IFT140: variants seen among roughly 807,000 people sequenced by gnomAD.
IFT140 encodes the protein intraflagellar transport 140.
In IFT140, 133 loss-of-function variants were observed where a neutral mutation model predicts 164.6. The observed-to-expected ratio is 0.81, with a 90% CI of 0.70 to 0.93. IFT140 has a LOEUF of 0.93. Among genes scored for constraint, IFT140 ranks in the 40% least tolerant of loss-of-function variants. The probability of loss-of-function intolerance (pLI) is 0.00; values close to 1 mark genes in which losing one functional copy is unlikely to be tolerated. For synonymous variants in IFT140, 860 were observed against 817.3 expected, an observed-to-expected ratio of 1.05 and a Z score of -0.89; for missense variants, 2,045 against 1,972.3, an observed-to-expected ratio of 1.04 and a Z score of -0.70.
At chr16:1,575,207 A>T (rs906874785) in intron 13 of IFT140, among the ~76,000 whole-genome samples, 1 of 149,382 alleles carries the variant, frequency 6.7e-6, no homozygotes, top group Non-Finnish European at 1.5e-5. Flanking sequence ...ACAAAAATAT[A>T]ATAATAATAA....
chr16:1,520,959 C>T lies in IFT140; in HGVS notation c.3454-151G>A, dbSNP rs936968304. On this transcript the variant is annotated intron_variant, in intron 26 of 30. Coordinates refer to ENST00000426508, the MANE Select transcript of IFT140 (RefSeq NM_014714.4). ...GTGGGTATGGAGGGGACAAGGATGT[C>T]TCCCCTGCCTCACCAACCTACAATC... 3 of 625,594 alleles carry T rather than the reference C, an allele frequency of 4.8e-6. No homozygotes were observed. In the African/African-American group the frequency reaches 5.5e-5, roughly 12 times the overall value. The allele number at this position is 625,594 out of a possible 1,614,324, so 38.8% of individuals were successfully genotyped here. A position where few individuals can be genotyped will look rare whatever the true frequency, so the allele number is the denominator to read the frequency against.
At chr16:1,588,263 T>G (rs1254459864) in intron 7 of IFT140, among the ~76,000 whole-genome samples, 1 of 152,176 alleles carries the variant, frequency 6.6e-6, no homozygotes, top group Non-Finnish European at 1.5e-5. Context: ...CAGTGGCTCA[T>G]GCCTGTAATC....
In IFT140 at chr16:1,520,252, G is replaced by A. The variant is rs1312542853; in HGVS notation, c.3752C>T (p.Ala1251Val). ...CCAGTCCAGGGACTGCAGGTAGTTA[G>A]CAGCCATGATGTAGATTTCCTTCTG... The part of the protein sequence containing the change: ...SRQKEIYIMA[A>V]NYLQSLDWRK... The change falls in exon 28 of 31, where the codon GCT becomes GTT. Residue 1251 changes from alanine to valine, a missense_variant. Transcript: ENST00000426508. 2.5e-6 allele frequency: 4 copies of A among 1,614,120 alleles called. No homozygotes were observed. In the African/African-American group the frequency reaches 4.0e-5, roughly 16 times the overall value.
chr16:1,540,071 G>A (rs1273206531), intron 19 of IFT140, among the ~76,000 whole-genome samples: 1 of 152,182 alleles, frequency 6.6e-6, no homozygotes, highest in Non-Finnish European at 1.5e-5. Context: ...GACGGCGGGG[G>A]GACCCTCAGT....
At chr16:1,563,673 G>C (rs185009285) in intron 17 of IFT140, among the ~76,000 whole-genome samples, 6 of 152,110 alleles carry the variant, frequency 3.9e-5, no homozygotes, top group Admixed American at 1.3e-4. Flanking sequence ...GTGGCATCGA[G>C]GTTACAGTGA....
intron 19 of IFT140, among the ~76,000 whole-genome samples, chr16:1,530,056 G>A (rs1052559740): frequency 1.3e-4 from 20 of 151,914 alleles, no homozygotes; most frequent in African/African-American, 4.8e-4. Context: ...AGGCGTGATG[G>A]CCGCTTCGTA....
At chr16:1,534,218 T>C (rs1394270129) in intron 19 of IFT140, 19 of 1,592,536 alleles carry the variant, frequency 1.2e-5, no homozygotes, top group Non-Finnish European at 1.6e-5. Flanking sequence ...TCCCTGGACG[T>C]GCGGCCGCGG....
intron 2 of IFT140, chr16:1,610,022 G>A (rs1348657203): frequency 6.6e-6 from 1 of 152,314 alleles, no homozygotes; most frequent in Non-Finnish European, 1.5e-5. Flanking sequence ...ACCAGCTTTT[G>A]GGAAAGAATC....
In IFT140 at chr16:1,519,884, C is replaced by T. The variant is rs144050063; in HGVS notation, c.4037G>A (p.Arg1346His). ...CCCGCTGGCCCCGGGGGCACACCTGCGGGCCTGGATGAACCTCTTCACCAG... is the reference window on the plus strand; with the variant it reads ...CCCGCTGGCCCCGGGGGCACACCTGTGGGCCTGGATGAACCTCTTCACCAG... ...MALVKRFIQA[R>H]RTYTEDPKES... Residue 1346 changes from arginine (R) to histidine (H), a missense_variant, in exon 29 of 31, where the codon CGC (arginine) becomes CAC (histidine). Physicochemically the swap from Arg to His is conservative, Grantham distance 29. Coordinates refer to ENST00000426508, the MANE Select transcript of IFT140 (RefSeq NM_014714.4). The T allele has an allele frequency of 6.8e-5, 104 of 1,538,452 alleles. No homozygotes were observed. Among genetic ancestry groups the T allele is most frequent in the Non-Finnish European group, 8.6e-5 (98 of 1,144,998 alleles).
At chr16:1,599,628 C>A (rs1596456062) in intron 4 of IFT140, among the ~76,000 whole-genome samples, 1 of 72,244 alleles carries the variant, frequency 1.4e-5, no homozygotes. Flanking sequence ...GCCCGGCCAG[C>A]CGCCCCGTCC....
chr16:1,589,553 A>G (rs549743287), intron 7 of IFT140, 52 bp downstream of exon 7: 2 of 1,572,598 alleles, frequency 1.3e-6, no homozygotes, highest in East Asian at 4.5e-5. Flanking sequence ...GAGGCCAGAG[A>G]GAACCTGGCC....
At chr16:1,544,162 C>T (rs1181235116) in intron 19 of IFT140, among the ~76,000 whole-genome samples, 1 of 139,098 alleles carries the variant, frequency 7.2e-6, no homozygotes, top group African/African-American at 2.5e-5. Flanking sequence ...GGATTGCAGG[C>T]ACCTGCCACC....
intron 4 of IFT140, among the ~76,000 whole-genome samples, chr16:1,600,995 G>A (rs562041264): frequency 1.7e-4 from 26 of 152,166 alleles, no homozygotes; most frequent in Non-Finnish European, 2.8e-4. Context: ...AGACGTGGTA[G>A]CTCACACCTG....
intron 6 of IFT140, 46 bp from the exon 7 acceptor site, chr16:1,589,826 C>CT (rs1410751038): frequency 6.5e-7 from 1 of 1,535,466 alleles, no homozygotes; most frequent in Non-Finnish European, 9.0e-7. Flanking sequence ...CCTGGTTTAT[C>CT]TGCTTCCATG....
intron 10 of IFT140, among the ~76,000 whole-genome samples, chr16:1,585,751 T>C (rs28647246): frequency 0.1 from 15,520 of 151,010 alleles, 1,161 homozygotes; most frequent in African/African-American, 0.21. Flanking sequence ...CAGAGTCATT[T>C]ATGGCCTCCA....
intron 15 of IFT140, 64 bp downstream of exon 15, chr16:1,568,153 G>A: frequency 8.6e-7 from 1 of 1,165,268 alleles, no homozygotes; most frequent in South Asian, 1.3e-5. Flanking sequence ...GCAGGCAGGA[G>A]GCCTGGCCTG....
chr16:1,574,770 CCCCT>C (rs71969117), intron 13 of IFT140, among the ~76,000 whole-genome samples: 28,452 of 151,900 alleles, frequency 0.19, 3,411 homozygotes, highest in African/African-American at 0.33. Flanking sequence ...GCATGGGAGG[CCCCT>C]CCCTCAGGTT....
intron 19 of IFT140, among the ~76,000 whole-genome samples, chr16:1,536,752 C>A (rs1437977645): frequency 6.6e-6 from 1 of 152,168 alleles, no homozygotes; most frequent in African/African-American, 2.4e-5. Context: ...GCCTCTCTCG[C>A]CTTCTCCTTC....
At chr16:1,541,452 G>C in intron 19 of IFT140, 1 of 985,446 alleles carries the variant, frequency 1.0e-6, no homozygotes, top group Non-Finnish European at 1.2e-6. Context: ...TGAGCACGCA[G>C]GACAGCACGC....
Sources: allele counts gnomAD v4.1 joint callset (sites outside exome capture counted in the v4.1 genomes callset), GRCh38; gene constraint gnomAD v4.1.1; transcripts MANE v1.5; gene names NCBI Gene and HGNC (gene_info 2026-07-23, HGNC 2026-07-21).